The following BLK variants were observed in gnomAD, a reference collection of about 807,000 sequenced individuals.
The protein encoded by BLK is BLK proto-oncogene, Src family tyrosine kinase.
Under a neutral mutation model 61.8 loss-of-function variants are expected in BLK, and 64 were observed. The observed-to-expected ratio is 1.03, with a 90% CI of 0.85 to 1.27. The LOEUF is 1.27. BLK is among the 50% of genes most tolerant of loss of function. BLK has a pLI of 0.00. For missense variants in BLK, 853 were observed against 660.5 expected (o/e 1.29, Z -3.19); for synonymous variants, 351 against 272.0 (o/e 1.29, Z -2.86).
chr8:11,557,870 G>T, intron 9 of BLK, 92 bp from the exon 10 acceptor site: 1 of 1,114,548 alleles, frequency 9.0e-7, no homozygotes, highest in Non-Finnish European at 1.4e-6. Flanking sequence ...CACTTCCCGC[G>T]CCCATGGGGA....
chr8:11,506,769 C>T (rs1026271069), intron 1 of BLK, among the ~76,000 whole-genome samples: 5 of 152,198 alleles, frequency 3.3e-5, no homozygotes, highest in Non-Finnish European at 5.9e-5. Context: ...GCCAAGCCCC[C>T]TCTCAGAGAT....
chr8:11,523,101 T>A (rs1172318502), intron 1 of BLK, among the ~76,000 whole-genome samples: 2 of 152,090 alleles, frequency 1.3e-5, no homozygotes, highest in Admixed American at 6.5e-5. Context: ...GGTGAAAAAA[T>A]TTCTTAAATA....
intron 1 of BLK, among the ~76,000 whole-genome samples, chr8:11,533,604 G>C (rs1260773273): frequency 2.8e-5 from 3 of 107,338 alleles, no homozygotes; most frequent in South Asian, 4.1e-4. Flanking sequence ...AGGAGGAGGA[G>C]AAGGAGGAGG....
rs938972229 is a variant in BLK at position 11,564,414 on chromosome 8, A to C, written c.*306A>C. ...CAGGACTGGTAAGCGACTGTCATCA[A>C]GTAAGGCCCCCGTGCTGGGCACCCC... On this transcript the variant is annotated 3_prime_UTR_variant, in exon 13 of 13. Coordinates refer to ENST00000259089, the MANE Select transcript of BLK (RefSeq NM_001715.3). 3.2e-6 allele frequency: 2 copies of C among 616,840 alleles called. No homozygotes were observed. Among genetic ancestry groups the C allele is most frequent in the Admixed American group, 4.2e-5 (2 of 47,108 alleles). The allele number at this position is 616,840 out of a possible 1,614,324, so 38.2% of individuals were successfully genotyped here.
chr8:11,558,767 C>G, intron 10 of BLK: 1 of 456,234 alleles, frequency 2.2e-6, no homozygotes, highest in Non-Finnish European at 4.4e-6. Context: ...CTGGAACTCT[C>G]AGCAGAAAAG....
chr8:11,517,576 G>A (rs756744612), intron 1 of BLK, among the ~76,000 whole-genome samples: 6 of 152,184 alleles, frequency 3.9e-5, no homozygotes, highest in East Asian at 1.9e-4. Context: ...CTTCCTCCCC[G>A]GCCTCATCTG....
At chr8:11,516,745 G>A (rs138308066) in intron 1 of BLK, among the ~76,000 whole-genome samples, 58 of 152,318 alleles carry the variant, frequency 3.8e-4, no homozygotes, top group Middle Eastern at 6.8e-3. Flanking sequence ...CACCCATGTT[G>A]TAGCATGTGC....
chr8:11,560,282 G>T (rs915574391), intron 10 of BLK: 4 of 204,794 alleles, frequency 2.0e-5, no homozygotes, highest in Admixed American at 1.1e-4. Context: ...TGGATGGATG[G>T]ATCCATGGAT....
At position 11,555,381 on chromosome 8, in the gene BLK, G is replaced by A. The variant is rs775121719; in HGVS notation, c.669G>A (p.Pro223=). ...GGCTGACCCTGCCCTGTGTGCGCCC[G>A]GCCCCGCAGAATCCCTGGGCCCAGG... ...CQRLTLPCVR[P]APQNPWAQDE... is the part of the protein sequence containing the mutation. The change falls in exon 8 of 13, where the codon CCG becomes CCA. Residue 223 remains proline, a synonymous_variant. Transcript: ENST00000259089. 4.7e-5 allele frequency: 76 copies of A among 1,614,030 alleles called. No homozygotes were observed. The highest frequency in any genetic ancestry group is 1.1e-4 in the African/African-American group (8 of 74,904).
chr8:11,545,672 C>T (rs1364691246), intron 2 of BLK: 8 of 313,388 alleles, frequency 2.6e-5, no homozygotes, highest in Admixed American at 4.0e-5. Flanking sequence ...ATATGTTTGT[C>T]GAGTTTTGGG....
intron 1 of BLK, among the ~76,000 whole-genome samples, chr8:11,539,580 G>A (rs934505551): frequency 1.3e-5 from 2 of 152,108 alleles, no homozygotes; most frequent in African/African-American, 2.4e-5. Flanking sequence ...AGGTATGTGT[G>A]CTTTTTTATT....
intron 8 of BLK, chr8:11,555,956 C>T (rs1449839437): frequency 5.8e-5 from 9 of 154,776 alleles, no homozygotes; most frequent in Non-Finnish European, 9.4e-5. Context: ...CTGACACCTG[C>T]CCCCTTCCCC....
chr8:11,561,529 C>T (rs1801507807), intron 11 of BLK, 77 bp downstream of exon 11: 2 of 1,545,196 alleles, frequency 1.3e-6, no homozygotes. Context: ...TTTAACTTCT[C>T]CCAGCACAGC....
intron 1 of BLK, among the ~76,000 whole-genome samples, chr8:11,508,371 C>G (rs1585327566): frequency 6.6e-6 from 1 of 152,302 alleles, no homozygotes; most frequent in Non-Finnish European, 1.5e-5. Flanking sequence ...TGACTGTAGG[C>G]CTCAGAAAAC....
intron 1 of BLK, among the ~76,000 whole-genome samples, chr8:11,543,020 C>G (rs1800454714): frequency 6.6e-6 from 1 of 152,166 alleles, no homozygotes; most frequent in African/African-American, 2.4e-5. Flanking sequence ...GTGCTTTCTG[C>G]TGTATGGGCC....
At chr8:11,495,969 A>T (rs1412169698) in intron 1 of BLK, among the ~76,000 whole-genome samples, 2 of 152,252 alleles carry the variant, frequency 1.3e-5, no homozygotes, top group African/African-American at 4.8e-5. Flanking sequence ...GTTAAAAAAA[A>T]TTAGACTCAT....
intron 10 of BLK, chr8:11,558,492 G>A (rs986619366): frequency 2.2e-5 from 8 of 369,662 alleles, no homozygotes; most frequent in African/African-American, 6.4e-5. Context: ...CAGCCCTGGC[G>A]TCGACCCCAG....
At chr8:11,554,337 T>C in intron 6 of BLK, 1 of 299,760 alleles carries the variant, frequency 3.3e-6, no homozygotes, top group Non-Finnish European at 6.5e-6. Context: ...CTTGTAGGAG[T>C]AAGAGATACC....
In BLK at chr8:11,494,463, A is replaced by G. The variant is rs1798290423; in HGVS notation, c.-130A>G. ...ATGAAAACTGATTGAGATGAGAAGAATTCATCTGGGACTGGCTTTTGCTTT... is the reference window on the plus strand; with the variant it reads ...ATGAAAACTGATTGAGATGAGAAGAGTTCATCTGGGACTGGCTTTTGCTTT... On this transcript the variant is annotated 5_prime_UTR_variant, in exon 1 of 13. Transcript: ENST00000259089. The G allele has an allele frequency of 1.3e-5, 2 of 152,348 alleles. No individual in the cohort carries two copies. Among genetic ancestry groups the G allele is most frequent in the South Asian group, 2.1e-4 (1 of 4,828 alleles). The allele number at this position is 152,348 out of a possible 1,614,324, so 9.4% of individuals were successfully genotyped here. A position where few individuals can be genotyped will look rare whatever the true frequency, so the allele number is the denominator to read the frequency against.
Sources: gnomAD v4.1 joint callset for allele counts (sites outside exome capture counted in the v4.1 genomes callset) on GRCh38, gnomAD v4.1.1 for gene constraint, MANE v1.5 for transcripts, NCBI Gene and HGNC (gene_info 2026-07-23, HGNC 2026-07-21) for gene names.